The following SPAG9 variants were observed in gnomAD, a reference collection of about 807,000 sequenced individuals.
The protein encoded by SPAG9 is C-Jun-amino-terminal kinase-interacting protein 4.
A neutral mutation model predicts 166.5 loss-of-function variants in SPAG9; 35 were observed. The observed-to-expected ratio is 0.21, with a 90% CI of 0.16 to 0.28. The LOEUF (loss-of-function observed/expected upper bound fraction) is 0.28. SPAG9 is among the 10% of genes least tolerant of loss of function. The pLI is 1.00. For missense variants in SPAG9, 1,235 were observed against 1,603.3 expected (o/e 0.77, Z 3.92); for synonymous variants, 534 against 565.5 (o/e 0.94, Z 0.79).
chr17:51,048,971 T>C (rs1190798129), intron 3 of SPAG9, among the ~76,000 whole-genome samples: 7 of 152,222 alleles, frequency 4.6e-5, no homozygotes, highest in African/African-American at 1.4e-4. Flanking sequence ...TCAGAAATAA[T>C]GAGCTTCCTT....
At chr17:51,012,950 C>T (rs546283895) in intron 9 of SPAG9, among the ~76,000 whole-genome samples, 32 of 152,030 alleles carry the variant, frequency 2.1e-4, no homozygotes, top group African/African-American at 7.5e-4. Context: ...AGGCTGGTCT[C>T]GAACTCCTGA....
intron 1 of SPAG9, among the ~76,000 whole-genome samples, chr17:51,093,208 T>TA (rs2048516688): frequency 2.0e-5 from 3 of 150,602 alleles, no homozygotes; most frequent in Admixed American, 2.0e-4. Context: ...AACCCTCTTT[T>TA]TAAAAAAAAC....
At chr17:51,074,562 C>T (rs1381781475) in intron 2 of SPAG9, among the ~76,000 whole-genome samples, 1 of 152,110 alleles carries the variant, frequency 6.6e-6, no homozygotes, top group Non-Finnish European at 1.5e-5. Context: ...CAGCAGACTC[C>T]CAGGGGAGAA....
intron 9 of SPAG9, chr17:51,009,211 A>G (rs1471346251): frequency 2.3e-6 from 1 of 440,932 alleles, no homozygotes; most frequent in African/African-American, 2.0e-5. Flanking sequence ...AGCAAGAACT[A>G]AACTCATTTA....
intron 1 of SPAG9, among the ~76,000 whole-genome samples, chr17:51,113,471 G>T (rs1293196650): frequency 1.3e-5 from 2 of 150,894 alleles, no homozygotes; most frequent in Non-Finnish European, 3.0e-5. Context: ...CCTGAGGTTA[G>T]GAGTTCAATA....
chr17:51,090,193 C>T (rs1002660337), intron 1 of SPAG9, among the ~76,000 whole-genome samples: 4 of 152,190 alleles, frequency 2.6e-5, no homozygotes, highest in East Asian at 1.9e-4. Flanking sequence ...AGTTGAGAAT[C>T]TCTCTGATTC....
intron 25 of SPAG9, among the ~76,000 whole-genome samples, chr17:50,980,686 G>A (rs1317802293): frequency 6.6e-6 from 1 of 151,832 alleles, no homozygotes; most frequent in Non-Finnish European, 1.5e-5. Flanking sequence ...TGGGAAACAT[G>A]GTGACATCCC....
intron 1 of SPAG9, among the ~76,000 whole-genome samples, chr17:51,091,014 C>T (rs964681128): frequency 1.3e-5 from 2 of 151,730 alleles, no homozygotes; most frequent in African/African-American, 4.9e-5. Context: ...ATAATCCCAG[C>T]ACTTTGGGAG....
intron 8 of SPAG9, among the ~76,000 whole-genome samples, chr17:51,017,863 G>A (rs867924978): frequency 6.6e-6 from 1 of 152,120 alleles, no homozygotes; most frequent in South Asian, 2.1e-4. Context: ...TCCAAGACAG[G>A]ATTTGAACCC....
At chr17:50,970,663 C>T (rs760005669) in intron 29 of SPAG9, 44 bp downstream of exon 29, 2 of 1,571,096 alleles carry the variant, frequency 1.3e-6, no homozygotes, top group South Asian at 2.3e-5. Flanking sequence ...AAACCCAAGT[C>T]ATAGCACACA....
chr17:51,029,235 C>T (rs143145074), intron 6 of SPAG9, among the ~76,000 whole-genome samples: 1 of 152,218 alleles, frequency 6.6e-6, no homozygotes. Context: ...TGATGATCAA[C>T]ACCACTAATC....
At chr17:51,089,189 C>T (rs985057922) in intron 1 of SPAG9, among the ~76,000 whole-genome samples, 12 of 148,244 alleles carry the variant, frequency 8.1e-5, no homozygotes, top group African/African-American at 2.5e-4. Context: ...TTTGGGAGGC[C>T]GAGGCAGGTG....
intron 19 of SPAG9, 32 bp downstream of exon 19, chr17:50,993,732 G>C (rs775208061): frequency 6.2e-7 from 1 of 1,606,714 alleles, no homozygotes; most frequent in African/African-American, 1.3e-5. Flanking sequence ...TGGATGGAGG[G>C]GAGGGCAGAG....
At chr17:51,045,510 C>G (rs952788694) in intron 4 of SPAG9, among the ~76,000 whole-genome samples, 2 of 151,826 alleles carry the variant, frequency 1.3e-5, no homozygotes, top group Non-Finnish European at 2.9e-5. Flanking sequence ...TTGAACTGAC[C>G]TATGAATAAA....
At chr17:51,039,425 C>T (rs189371805) in intron 5 of SPAG9, among the ~76,000 whole-genome samples, 113 of 152,264 alleles carry the variant, frequency 7.4e-4, no homozygotes, top group Admixed American at 1.3e-3. Context: ...TACTGTACAT[C>T]CCAACTAGTA....
At chr17:51,050,659 A>ACATTAT (rs1251998428) in intron 3 of SPAG9, among the ~76,000 whole-genome samples, 4 of 152,176 alleles carry the variant, frequency 2.6e-5, no homozygotes. Context: ...AAACACACAA[A>ACATTAT]AAAGAACAAA....
intron 19 of SPAG9, among the ~76,000 whole-genome samples, chr17:50,991,627 ATT>A: frequency 6.9e-6 from 1 of 144,804 alleles, no homozygotes. Flanking sequence ...CATCACCATT[ATT>A]TTTTTTTTTT....
intron 1 of SPAG9, among the ~76,000 whole-genome samples, chr17:51,114,922 A>G (rs1052263825): frequency 9.9e-5 from 15 of 152,128 alleles, no homozygotes; most frequent in African/African-American, 3.6e-4. Context: ...ACTGCACTCC[A>G]GCCTGGGTGA....
At chr17:51,030,720 A>G (rs1437351412) in intron 6 of SPAG9, among the ~76,000 whole-genome samples, 1 of 152,118 alleles carries the variant, frequency 6.6e-6, no homozygotes, top group Non-Finnish European at 1.5e-5. Context: ...GCTTCAAGAG[A>G]ATTCAAATTA....
Sources: gnomAD v4.1 joint callset for allele counts (sites outside exome capture counted in the v4.1 genomes callset) on GRCh38, gnomAD v4.1.1 for gene constraint, MANE v1.5 for transcripts, NCBI Gene and HGNC (gene_info 2026-07-23, HGNC 2026-07-21) for gene names.